Variants in CDYL observed in about 807,000 individuals in gnomAD.
CDYL encodes the protein chromodomain Y-like protein.
In CDYL, 8 loss-of-function variants were observed where a neutral mutation model predicts 47.3. The ratio of observed to expected loss-of-function variants is 0.17; its 90% CI spans 0.10 to 0.31. The LOEUF (loss-of-function observed/expected upper bound fraction) is 0.31. Ranked by LOEUF, CDYL falls within the 10% of genes least tolerant of loss-of-function variation. The probability of loss-of-function intolerance (pLI) is 1.00; values close to 1 mark genes in which losing one functional copy is unlikely to be tolerated. For missense variants in CDYL, 471 were observed against 701.4 expected (o/e 0.67, Z 3.71); for synonymous variants, 266 against 265.0 (o/e 1.00, Z -0.04).
chr6:4,845,743 A>G (rs1760635929), intron 1 of CDYL, among the ~76,000 whole-genome samples: 1 of 152,214 alleles, frequency 6.6e-6, no homozygotes. Context: ...AATTTTGTAT[A>G]CTTTTCATAT....
At chr6:4,744,090 G>T (rs1453737439) in intron 3 of CDYL, among the ~76,000 whole-genome samples, 1 of 152,172 alleles carries the variant, frequency 6.6e-6, no homozygotes, top group Non-Finnish European at 1.5e-5. Flanking sequence ...GTGAAGGAGG[G>T]GTGGGGAGCT....
intron 2 of CDYL, chr6:4,734,657 A>C: frequency 6.9e-7 from 1 of 1,447,478 alleles, no homozygotes; most frequent in Non-Finnish European, 9.3e-7. Context: ...CAGGAAGGGG[A>C]GGGCACAGGG....
At chr6:4,759,688 C>T (rs1461069882) in intron 3 of CDYL, among the ~76,000 whole-genome samples, 2 of 150,948 alleles carry the variant, frequency 1.3e-5, no homozygotes, top group Admixed American at 6.6e-5. Flanking sequence ...TCAAGACCCG[C>T]CTGGCCATGG....
chr6:4,834,172 T>C (rs1760225668), intron 1 of CDYL, among the ~76,000 whole-genome samples: 1 of 152,220 alleles, frequency 6.6e-6, no homozygotes, highest in Non-Finnish European at 1.5e-5. Flanking sequence ...CTAGTCTTGA[T>C]GGTCTTTACA....
At chr6:4,753,079 G>A (rs762397413) in intron 3 of CDYL, among the ~76,000 whole-genome samples, 31 of 152,014 alleles carry the variant, frequency 2.0e-4, no homozygotes, top group South Asian at 4.1e-4. Context: ...CACCATGCCC[G>A]GCTAATCCTT....
rs762331792 is a variant in CDYL at position 4,776,746 on chromosome 6, C to T, written c.-38C>T. 5 of 1,161,070 alleles carry T rather than the reference C, an allele frequency of 4.3e-6. No individual in the cohort carries two copies. Among genetic ancestry groups the T allele is most frequent in the East Asian group, 5.1e-5 (1 of 19,546 alleles). 71.9% of individuals were successfully genotyped at this position (1,161,070 alleles called of 1,614,324 possible). On this transcript the variant is annotated 5_prime_UTR_variant, in exon 1 of 7. Coordinates refer to ENST00000397588, the MANE Select transcript of CDYL (RefSeq NM_004824.4). Reference sequence around the variant, plus strand: ...GGCCGCCCGGCGCCGGCGCCCGCCCCGACCCTGCCCCTCCCGCCCGCAACT... The same window carrying T: ...GGCCGCCCGGCGCCGGCGCCCGCCCTGACCCTGCCCCTCCCGCCCGCAACT...
At chr6:4,906,853 G>T (rs9502250) in intron 2 of CDYL, among the ~76,000 whole-genome samples, 2 of 152,132 alleles carry the variant, frequency 1.3e-5, no homozygotes, top group East Asian at 1.9e-4. Flanking sequence ...AGTCTTCCAC[G>T]TGCCATTTTT....
chr6:4,828,417 C>T (rs1237018405), intron 1 of CDYL, among the ~76,000 whole-genome samples: 1 of 152,110 alleles, frequency 6.6e-6, no homozygotes, highest in African/African-American at 2.4e-5. Context: ...ACCACCATGC[C>T]TGGCTTCAGC....
intron 1 of CDYL, among the ~76,000 whole-genome samples, chr6:4,850,750 G>A (rs1760800019): frequency 6.6e-6 from 1 of 152,210 alleles, no homozygotes; most frequent in Non-Finnish European, 1.5e-5. Flanking sequence ...AATGCTGACT[G>A]ATGAATAAGG....
At chr6:4,783,261 T>A (rs987463867) in intron 1 of CDYL, among the ~76,000 whole-genome samples, 2 of 151,858 alleles carry the variant, frequency 1.3e-5, no homozygotes, top group African/African-American at 4.8e-5. Flanking sequence ...TTTTTTTTTT[T>A]TAATTATTAT....
chr6:4,735,747 CAA>C (rs1046278189), intron 3 of CDYL, among the ~76,000 whole-genome samples: 3 of 151,720 alleles, frequency 2.0e-5, no homozygotes, highest in Non-Finnish European at 4.4e-5. Flanking sequence ...GCACGGGCAA[CAA>C]GAGCGAAACT....
At position 4,952,290 on chromosome 6, in the gene CDYL, C is replaced by T. The variant is rs1238857055; in HGVS notation, c.1357C>T (p.Arg453Trp). 6.2e-7 allele frequency: 1 copy of T among 1,613,814 alleles called. No individual in the cohort carries two copies. Among genetic ancestry groups the T allele is most frequent in the African/African-American group, 1.3e-5 (1 of 74,896 alleles). Residue 453 changes from arginine to tryptophan, a missense_variant, in exon 6 of 7, where the codon CGG (arginine) becomes TGG (tryptophan). Around this residue, in one of 3 missense-constraint regions of CDYL, gnomAD observed 103 missense variants for 277.1 expected, o/e 0.37. Coordinates refer to ENST00000397588, the MANE Select transcript of CDYL (RefSeq NM_004824.4). ...ASANEMLLSGRKLTAQEACGK... is the reference protein window; with the variant it reads ...ASANEMLLSGWKLTAQEACGK... ...GGCAAACGAGATGCTGCTCAGTGGA[C>T]GGAAGCTGACAGCGCAGGAGGCGTG...
intron 1 of CDYL, among the ~76,000 whole-genome samples, chr6:4,880,459 A>C (rs774785232): frequency 6.6e-6 from 1 of 152,176 alleles, no homozygotes; most frequent in Non-Finnish European, 1.5e-5. Flanking sequence ...TGATGGCTTC[A>C]CAAGTTTTGG....
At chr6:4,894,855 GTA>G (rs1201245365) in intron 2 of CDYL, among the ~76,000 whole-genome samples, 3,810 of 91,492 alleles carry the variant, frequency 0.042, 208 homozygotes, top group African/African-American at 0.13. Flanking sequence ...GTGTGTGTGT[GTA>G]TATGTGTATA....
At chr6:4,759,436 C>T (rs1310608981) in intron 3 of CDYL, among the ~76,000 whole-genome samples, 1 of 152,044 alleles carries the variant, frequency 6.6e-6, no homozygotes, top group African/African-American at 2.4e-5. Flanking sequence ...AATTTTAAGG[C>T]CCACATAATA....
chr6:4,813,456 A>G (rs1759582366), intron 1 of CDYL, among the ~76,000 whole-genome samples: 1 of 152,200 alleles, frequency 6.6e-6, no homozygotes, highest in Non-Finnish European at 1.5e-5. Context: ...TCCTGTATCT[A>G]ATGATGGTAG....
At chr6:4,832,870 G>T (rs1459116267) in intron 1 of CDYL, among the ~76,000 whole-genome samples, 1 of 149,784 alleles carries the variant, frequency 6.7e-6, no homozygotes, top group Non-Finnish European at 1.5e-5. Flanking sequence ...GCGTAGAGGT[G>T]TTTGTAGTAT....
chr6:4,773,942 T>G (rs1031972452), upstream of CDYL, among the ~76,000 whole-genome samples: 1 of 152,214 alleles, frequency 6.6e-6, no homozygotes, highest in African/African-American at 2.4e-5. This position sits in a 1 kb window ranked among gnomAD's most constrained non-coding sequence, Gnocchi z 4.6. Context: ...CCTTTTTGTT[T>G]CCACAATGGG....
intron 2 of CDYL, among the ~76,000 whole-genome samples, chr6:4,717,439 G>T (rs935966087): frequency 6.6e-6 from 1 of 152,054 alleles, no homozygotes; most frequent in African/African-American, 2.4e-5. Context: ...GTCAGGCACG[G>T]TGGCTAAAGG....
Sources: allele counts gnomAD v4.1 joint callset (sites outside exome capture counted in the v4.1 genomes callset), GRCh38; gene constraint gnomAD v4.1.1; regional missense constraint gnomAD v4.1.1; non-coding constraint Gnocchi (gnomAD v3.1); transcripts MANE v1.5; gene names NCBI Gene and HGNC (gene_info 2026-07-23, HGNC 2026-07-21).